The following DENND4A variants were observed in gnomAD, a reference collection of about 807,000 sequenced individuals.
The protein encoded by DENND4A is C-myc promoter-binding protein.
DENND4A carries 70 observed loss-of-function variants against 199.3 expected under a neutral mutation model. That is an observed-to-expected ratio of 0.35 (90% CI 0.29 to 0.43). The LOEUF is 0.43. Among genes scored for constraint, DENND4A ranks in the 20% least tolerant of loss-of-function variants. DENND4A has a pLI of 1.00. For synonymous variants in DENND4A, 686 were observed against 766.9 expected, an observed-to-expected ratio of 0.89 and a Z score of 1.74; for missense variants, 1,723 against 2,255.8, an observed-to-expected ratio of 0.76 and a Z score of 4.78.
chr15:65,707,550 A>G (rs1017522534), intron 14 of DENND4A, among the ~76,000 whole-genome samples: 3 of 152,140 alleles, frequency 2.0e-5, no homozygotes, highest in Admixed American at 2.0e-4. Flanking sequence ...TGGATTAAAT[A>G]ATGTTTTTAA....
chr15:65,706,245 T>C, intron 14 of DENND4A, 21 bp from the exon 15 acceptor site: 1 of 1,472,616 alleles, frequency 6.8e-7, no homozygotes, highest in African/African-American at 1.4e-5. Context: ...TTTAAAAACA[T>C]ATATTAAAAA....
chr15:65,729,828 C>T, intron 9 of DENND4A, 150 bp from the exon 10 acceptor site: 1 of 713,366 alleles, frequency 1.4e-6, no homozygotes, highest in Non-Finnish European at 2.2e-6. Context: ...CACCGTTAAA[C>T]ATGATTGCTG....
chr15:65,716,263 A>T (rs1294568315), intron 13 of DENND4A, among the ~76,000 whole-genome samples: 7 of 149,490 alleles, frequency 4.7e-5, no homozygotes, highest in Non-Finnish European at 7.4e-5. Context: ...TTATTATTAT[A>T]CTTTAAGTTT....
chr15:65,728,927 T>C, intron 11 of DENND4A, 145 bp downstream of exon 11: 1 of 808,300 alleles, frequency 1.2e-6, no homozygotes, highest in Non-Finnish European at 2.1e-6. Flanking sequence ...TAATAAGGTC[T>C]GATTCAAAGA....
intron 4 of DENND4A, among the ~76,000 whole-genome samples, chr15:65,742,316 C>CT (rs2076279537): frequency 6.6e-6 from 1 of 152,056 alleles, no homozygotes; most frequent in East Asian, 1.9e-4. Context: ...TGGAGTCTCG[C>CT]TCTGTCACCC....
At chr15:65,722,725 C>T (rs1299960876) in intron 12 of DENND4A, 123 bp downstream of exon 12, 3 of 659,020 alleles carry the variant, frequency 4.6e-6, no homozygotes, top group Non-Finnish European at 6.7e-6. Flanking sequence ...TAATGATCAT[C>T]TGCCTTTAAA....
intron 14 of DENND4A, among the ~76,000 whole-genome samples, chr15:65,714,207 C>T (rs769981801): frequency 2.6e-4 from 39 of 151,894 alleles, no homozygotes; most frequent in Non-Finnish European, 3.7e-4. Flanking sequence ...GTCAGGAGAT[C>T]AAGACCATCC....
chr15:65,752,317 G>GTTT, intron 4 of DENND4A, 62 bp downstream of exon 4: 1 of 251,852 alleles, frequency 4.0e-6, no homozygotes, highest in Non-Finnish European at 7.1e-6. Flanking sequence ...AAAAAAAGAT[G>GTTT]TATTTAAAAT....
chr15:65,785,935 A>G (rs2077556666), intron 1 of DENND4A, among the ~76,000 whole-genome samples: 2 of 152,200 alleles, frequency 1.3e-5, no homozygotes, highest in African/African-American at 4.8e-5. Context: ...AAAACAAACA[A>G]AAAAACTTAC....
chr15:65,667,493 G>A lies in DENND4A; in HGVS notation c.5197C>T (p.Pro1733Ser), dbSNP rs750577770. The change falls in exon 29 of 33, where the codon CCT becomes TCT. Residue 1733 changes from proline (P) to serine (S), a missense_variant. Around this residue, in one of 6 missense-constraint regions of DENND4A, gnomAD observed 164 missense variants for 280.1 expected, o/e 0.59. Transcript: ENST00000443035. Reference protein sequence around the residue: ...FRRLDLPSNLPGLILSSEHCN... With the variant: ...FRRLDLPSNLSGLILSSEHCN... ...TGCTCAGAAGAAAGAATCAATCCAG[G>A]TAAGTTACTGGGCAAGTCAAGACGT... 2 of 1,613,888 alleles carry A rather than the reference G, an allele frequency of 1.2e-6. No homozygotes were observed. Among genetic ancestry groups the A allele is most frequent in the Non-Finnish European group, 1.7e-6 (2 of 1,179,852 alleles).
intron 14 of DENND4A, among the ~76,000 whole-genome samples, chr15:65,712,982 C>T (rs1447643897): frequency 6.6e-6 from 1 of 152,090 alleles, no homozygotes; most frequent in Non-Finnish European, 1.5e-5. Context: ...GCTGATGACC[C>T]ATCATCACCC....
rs562859152 is a variant in DENND4A at position 65,741,627 on chromosome 15, C to A, written c.631+88G>T. 1.9e-5 allele frequency: 20 copies of A among 1,055,808 alleles called. 1 individual carries two copies. The African/African-American group carries it at 2.9e-4, about 15-fold the overall frequency. 65.4% of individuals were successfully genotyped at this position (1,055,808 alleles called of 1,614,324 possible). A position where few individuals can be genotyped will look rare whatever the true frequency, so the allele number is the denominator to read the frequency against. Reference sequence around the variant, plus strand: ...ATTGTAGTCCCAGTCCTGATACTAACACAGACTAGGCAGGTTTCTTTACTT... The same window carrying A: ...ATTGTAGTCCCAGTCCTGATACTAAAACAGACTAGGCAGGTTTCTTTACTT... On this transcript the variant is annotated intron_variant, in intron 5 of 32. Transcript: ENST00000443035.
intron 11 of DENND4A, among the ~76,000 whole-genome samples, chr15:65,725,157 T>TATGAGTAAATATACATTTAC (rs1356904534): frequency 6.6e-6 from 1 of 152,194 alleles, no homozygotes; most frequent in East Asian, 1.9e-4. Context: ...AAGATCATCT[T>TATGAGTAAATATACATTTAC]ATGAGTAAAT....
intron 1 of DENND4A, among the ~76,000 whole-genome samples, chr15:65,779,561 C>T (rs987299454): frequency 2.6e-5 from 4 of 152,102 alleles, no homozygotes; most frequent in Admixed American, 1.3e-4. Flanking sequence ...ACAATCATAG[C>T]TCACTGCTGC....
intron 14 of DENND4A, chr15:65,715,259 T>G: frequency 2.5e-6 from 1 of 399,592 alleles, no homozygotes. Flanking sequence ...CAATAAAACT[T>G]ATGATTACAA....
At chr15:65,667,427 C>T (rs1174845223) in intron 29 of DENND4A, 22 bp downstream of exon 29, 1 of 1,609,006 alleles carries the variant, frequency 6.2e-7, no homozygotes, top group Admixed American at 1.7e-5. Context: ...CATTCATTGC[C>T]TTTTAATTTT....
chr15:65,738,079 G>C, intron 6 of DENND4A, 134 bp from the exon 7 acceptor site: 3 of 782,456 alleles, frequency 3.8e-6, no homozygotes, highest in Non-Finnish European at 5.9e-6. Context: ...GTGATGAAGA[G>C]ACACCCCTCC....
At position 65,702,362 on chromosome 15, in the gene DENND4A, T is replaced by A. The variant is rs2074903999; in HGVS notation, c.2373A>T (p.Lys791Asn). Residue 791 changes from lysine to asparagine, a missense_variant, in exon 17 of 33, where the codon AAA (lysine) becomes AAT (asparagine). Lys to Asn is a moderately conservative substitution (Grantham distance 94). Coordinates refer to ENST00000443035, the MANE Select transcript of DENND4A (RefSeq NM_001320835.1). ...KVCHSKVRAL[K>N]TAYDVLKKMQ... Reference sequence around the variant, plus strand: ...TTTTTTTAAGCACATCATATGCTGTTTTCAGAGCCCTGACTTTTGAATGAC... The same window carrying A: ...TTTTTTTAAGCACATCATATGCTGTATTCAGAGCCCTGACTTTTGAATGAC... 1 of 1,554,110 alleles carries A rather than the reference T, an allele frequency of 6.4e-7. No individual in the cohort carries two copies.
chr15:65,756,583 A>T (rs1218217873), intron 2 of DENND4A, 111 bp from the exon 3 acceptor site: 2 of 663,384 alleles, frequency 3.0e-6, no homozygotes, highest in Non-Finnish European at 5.0e-6. Flanking sequence ...GTTCCTTGAT[A>T]AACACAGTAG....
Sources: allele counts gnomAD v4.1 joint callset (sites outside exome capture counted in the v4.1 genomes callset), GRCh38; gene constraint gnomAD v4.1.1; regional missense constraint gnomAD v4.1.1; transcripts MANE v1.5; gene names NCBI Gene and HGNC (gene_info 2026-07-23, HGNC 2026-07-21).